NUP133: variants seen among roughly 807,000 people sequenced by gnomAD.
NUP133 encodes the protein nucleoporin 133.
A neutral mutation model predicts 146.2 loss-of-function variants in NUP133; 66 were observed. That is an observed-to-expected ratio of 0.45 (90% CI 0.37 to 0.55). The LOEUF is 0.55. Ranked by LOEUF, NUP133 falls within the 20% of genes least tolerant of loss-of-function variation. NUP133 has a pLI of 0.00. For synonymous variants in NUP133, 521 were observed against 498.8 expected, an observed-to-expected ratio of 1.04 and a Z score of -0.59; for missense variants, 1,277 against 1,374.8, an observed-to-expected ratio of 0.93 and a Z score of 1.12.
intron 21 of NUP133, among the ~76,000 whole-genome samples, chr1:229,455,539 C>A (rs1660541186): frequency 6.6e-6 from 1 of 152,074 alleles, no homozygotes; most frequent in African/African-American, 2.4e-5. Context: ...CCAGCCTGGG[C>A]AACAGAGTGA....
intron 8 of NUP133, among the ~76,000 whole-genome samples, chr1:229,492,107 A>ATTT (rs200318942): frequency 7.1e-6 from 1 of 140,326 alleles, no homozygotes; most frequent in Non-Finnish European, 1.6e-5. Context: ...TACTAGCAAC[A>ATTT]TTTTTTTTTT....
chr1:229,461,157 C>T (rs924719041), intron 19 of NUP133, among the ~76,000 whole-genome samples: 13 of 152,166 alleles, frequency 8.5e-5, no homozygotes, highest in African/African-American at 2.7e-4. Flanking sequence ...ATTTGGACAG[C>T]GCATTATCAA....
At position 229,458,272 on chromosome 1, in the gene NUP133, C is replaced by G; in HGVS notation, c.2869G>C (p.Ala957Pro). Residue 957 changes from alanine to proline, a missense_variant, in exon 21 of 26, where the codon GCA (alanine) becomes CCA (proline). Coordinates refer to ENST00000261396, the MANE Select transcript of NUP133 (RefSeq NM_018230.3). ...EKAHATLLGL[A>P]NMETRYFAKK... ...GCAAAGTAACGAGTTTCCATATTTGCCAAACCCAGAAGTGTTGCATGAGCC... is the reference window on the plus strand; with the variant it reads ...GCAAAGTAACGAGTTTCCATATTTGGCAAACCCAGAAGTGTTGCATGAGCC... The G allele has an allele frequency of 6.2e-7, 1 of 1,613,078 alleles. No homozygotes were observed. Among genetic ancestry groups the G allele is most frequent in the South Asian group, 1.1e-5 (1 of 90,964 alleles).
At chr1:229,484,180 G>T in intron 11 of NUP133, 35 bp from the exon 12 acceptor site, 2 of 1,461,454 alleles carry the variant, frequency 1.4e-6, no homozygotes, top group Non-Finnish European at 1.9e-6. Flanking sequence ...AGAGGTAAAG[G>T]CATCTGAATA....
In NUP133 at chr1:229,449,115, C is replaced by G. The variant is rs147947786; in HGVS notation, c.3245+11G>C. Reference sequence around the variant, plus strand: ...TATACTTTCCAAAGAAGCAATGCCACGAGCACTTACTTATCTCTCTGAAGA... The same window carrying G: ...TATACTTTCCAAAGAAGCAATGCCAGGAGCACTTACTTATCTCTCTGAAGA... On this transcript the variant is annotated intron_variant, in intron 24 of 25. Coordinates refer to ENST00000261396, the MANE Select transcript of NUP133 (RefSeq NM_018230.3). 26 of 1,604,302 alleles carry G rather than the reference C, an allele frequency of 1.6e-5. 1 individual carries two copies. The South Asian group carries it at 2.4e-4, about 15-fold the overall frequency.
chr1:229,450,589 T>C lies in NUP133; in HGVS notation c.3116A>G (p.Glu1039Gly). The C allele has an allele frequency of 6.4e-7, 1 of 1,562,658 alleles. No homozygotes were observed. Among genetic ancestry groups the C allele is most frequent in the Non-Finnish European group, 8.8e-7 (1 of 1,139,384 alleles). ...PQLIGLYICE[E>G]NRRANEYDFK... Reference sequence around the variant, plus strand: ...ATCATATTCATTAGCTCTTCTATTTTCTTCACAGATATATAGCTATGACAA... The same window carrying C: ...ATCATATTCATTAGCTCTTCTATTTCCTTCACAGATATATAGCTATGACAA... Residue 1039 changes from glutamate to glycine, a missense_variant, in exon 23 of 26, where the codon GAA (glutamate) becomes GGA (glycine). Physicochemically the swap from Glu to Gly is moderately conservative, Grantham distance 98. Transcript: ENST00000261396.
At position 229,501,966 on chromosome 1, in the gene NUP133, C is replaced by T. The variant is rs372513132; in HGVS notation, c.405+33G>A. The T allele has an allele frequency of 7.7e-5, 114 of 1,480,430 alleles. 2 individuals are homozygous for T. In the Middle Eastern group the frequency reaches 4.7e-3, roughly 60 times the overall value. 91.7% of individuals were successfully genotyped at this position (1,480,430 alleles called of 1,614,324 possible). ...AAAAGTCAATTGGCATTCCTCTCCTCTATCTTGTTCCAGCTCTCTAAAGAG... is the reference window on the plus strand; with the variant it reads ...AAAAGTCAATTGGCATTCCTCTCCTTTATCTTGTTCCAGCTCTCTAAAGAG... On this transcript the variant is annotated intron_variant, in intron 3 of 25. Transcript: ENST00000261396.
At chr1:229,453,785 A>G (rs1660506769) in intron 21 of NUP133, among the ~76,000 whole-genome samples, 1 of 152,202 alleles carries the variant, frequency 6.6e-6, no homozygotes, top group Non-Finnish European at 1.5e-5. Context: ...TCCACTGTGA[A>G]TGGTGCTATG....
At chr1:229,451,851 T>C (rs1660457121) in intron 22 of NUP133, among the ~76,000 whole-genome samples, 1 of 152,228 alleles carries the variant, frequency 6.6e-6, no homozygotes, top group South Asian at 2.1e-4. Context: ...CACTACTTTT[T>C]TCTTAGTGAT....
At chr1:229,471,178 C>T (rs1359500533) in intron 14 of NUP133, among the ~76,000 whole-genome samples, 1 of 152,028 alleles carries the variant, frequency 6.6e-6, no homozygotes, top group African/African-American at 2.4e-5. Flanking sequence ...TGCAGTGGTA[C>T]AATCACAATC....
At chr1:229,464,974 G>A in intron 17 of NUP133, 99 bp from the exon 18 acceptor site, 2 of 1,384,116 alleles carry the variant, frequency 1.4e-6, no homozygotes, top group South Asian at 1.3e-5. Context: ...CATCACTGCT[G>A]GAAAATTACA....
intron 8 of NUP133, among the ~76,000 whole-genome samples, chr1:229,495,259 C>T (rs370036629): frequency 7.6e-4 from 116 of 152,184 alleles, no homozygotes; most frequent in African/African-American, 2.6e-3. Flanking sequence ...GGTGTGGTGG[C>T]GCATGCTTGC....
At chr1:229,469,624 A>T (rs998640572) in intron 15 of NUP133, among the ~76,000 whole-genome samples, 1 of 152,210 alleles carries the variant, frequency 6.6e-6, no homozygotes, top group African/African-American at 2.4e-5. Flanking sequence ...ACACAGAGAA[A>T]GCAGTTGGAC....
At position 229,495,477 on chromosome 1, in the gene NUP133, G is replaced by A. The variant is rs373299462; in HGVS notation, c.1046+18C>T. Reference sequence around the variant, plus strand: ...CCAAACTCTTCTCTATGTTCTTTACGACAAATTAATTGCTTACCAGTTTTG... The same window carrying A: ...CCAAACTCTTCTCTATGTTCTTTACAACAAATTAATTGCTTACCAGTTTTG... On this transcript the variant is annotated intron_variant, in intron 8 of 25. Transcript: ENST00000261396. The A allele has an allele frequency of 3.7e-5, 59 of 1,578,616 alleles. No individual in the cohort carries two copies. In the East Asian group the frequency reaches 4.7e-4, roughly 13 times the overall value.
chr1:229,462,585 A>C, intron 19 of NUP133, among the ~76,000 whole-genome samples: 1 of 151,872 alleles, frequency 6.6e-6, no homozygotes. Context: ...TTTTAAAGAT[A>C]GGTCTTCCTC....
intron 2 of NUP133, among the ~76,000 whole-genome samples, chr1:229,502,416 G>A (rs991506455): frequency 1.3e-5 from 2 of 151,812 alleles, no homozygotes; most frequent in African/African-American, 2.4e-5. Flanking sequence ...AAAATTAGCT[G>A]AGTGTGGTGG....
At chr1:229,465,588 A>G in intron 16 of NUP133, 69 bp from the exon 17 acceptor site, 1 of 1,159,198 alleles carries the variant, frequency 8.6e-7, no homozygotes, top group East Asian at 2.3e-5. Context: ...AAGATAATTT[A>G]AGACAGCAAA....
chr1:229,472,400 G>T (rs1294911890), intron 14 of NUP133, among the ~76,000 whole-genome samples: 2 of 150,866 alleles, frequency 1.3e-5, no homozygotes, highest in Admixed American at 6.6e-5. Flanking sequence ...TTTGATTGCA[G>T]CACTGACAGT....
In NUP133 at chr1:229,460,702, G is replaced by C; in HGVS notation, c.2753C>G (p.Pro918Arg). Reference protein sequence around the residue: ...KGKRGKLLSQPISQHGQLANF... With the variant: ...KGKRGKLLSQRISQHGQLANF... ...TGCCAACTGTCCATGCTGAGAAATG[G>C]GCTGAGATAATAATTTGCCTCGCTT... The change falls in exon 20 of 26, where the codon CCC becomes CGC. Residue 918 changes from proline to arginine, a missense_variant. By Grantham distance (103) the Pro-to-Arg change is moderately radical (BLOSUM62 -2). Around this residue, in one of 3 missense-constraint regions of NUP133, gnomAD observed 952 missense variants for 1,047.0 expected, o/e 0.91. Coordinates refer to ENST00000261396, the MANE Select transcript of NUP133 (RefSeq NM_018230.3). 1 of 1,613,956 alleles carries C rather than the reference G, an allele frequency of 6.2e-7. No homozygotes were observed. Among genetic ancestry groups the C allele is most frequent in the Admixed American group, 1.7e-5 (1 of 60,006 alleles).
Sources: gnomAD v4.1 joint callset for allele counts (sites outside exome capture counted in the v4.1 genomes callset) on GRCh38, gnomAD v4.1.1 for gene constraint, gnomAD v4.1.1 regional missense constraint, MANE v1.5 for transcripts, NCBI Gene and HGNC (gene_info 2026-07-23, HGNC 2026-07-21) for gene names.